TOP2B: variants seen among roughly 807,000 people sequenced by gnomAD.
TOP2B encodes DNA topoisomerase II beta.
In TOP2B, 51 loss-of-function variants were observed where a neutral mutation model predicts 193.5. The observed-to-expected ratio is 0.26, with a 90% confidence interval of 0.21 to 0.33. TOP2B has a LOEUF of 0.33. TOP2B is among the 10% of genes least tolerant of loss of function. The probability of loss-of-function intolerance (pLI) is 1.00; values close to 1 mark genes in which losing one functional copy is unlikely to be tolerated. For missense variants in TOP2B, 1,378 were observed against 1,909.3 expected (o/e 0.72, Z 5.19); for synonymous variants, 634 against 635.7 (o/e 1.00, Z 0.04).
At chr3:25,617,512 T>C (rs1308167833) in intron 25 of TOP2B, among the ~76,000 whole-genome samples, 1 of 152,182 alleles carries the variant, frequency 6.6e-6, no homozygotes, top group East Asian at 1.9e-4. Context: ...AAAAGCAATA[T>C]TTCAATGTAG....
intron 25 of TOP2B, among the ~76,000 whole-genome samples, chr3:25,617,622 G>T (rs138047614): frequency 2.6e-5 from 4 of 152,228 alleles, no homozygotes; most frequent in African/African-American, 7.2e-5. Context: ...TTTTAAAGAT[G>T]TTAATGTTAT....
rs1575592458 is a variant in TOP2B at position 25,663,778 on chromosome 3, C to A, written c.69+451G>T. On this transcript the variant is annotated intron_variant, in intron 1 of 35. Coordinates refer to ENST00000264331, the MANE Select transcript of TOP2B (RefSeq NM_001330700.2). ...AATGCATTCTTCTTTGAGATTAAAG[C>A]CCCAGAAAGAGCTGCATTTAGAATA... 2.6e-5 allele frequency among the ~76,000 whole-genome samples: 4 copies of A among 152,196 alleles called. No individual in the cohort carries two copies. In the Middle Eastern group the frequency reaches 0.01, roughly 388 times the overall value.
intron 1 of TOP2B, among the ~76,000 whole-genome samples, chr3:25,662,282 C>T (rs142493451): frequency 6.6e-6 from 1 of 152,290 alleles, no homozygotes; most frequent in African/African-American, 2.4e-5. Context: ...ATCAGCCTGA[C>T]GTCAAAGCCC....
At chr3:25,650,035 T>G (rs1409138876) in intron 1 of TOP2B, among the ~76,000 whole-genome samples, 1 of 151,986 alleles carries the variant, frequency 6.6e-6, no homozygotes, top group African/African-American at 2.4e-5. Context: ...ACTGAAAAAA[T>G]TAGGTGCCTT....
At position 25,632,770 on chromosome 3, in the gene TOP2B, C is replaced by A. The variant is rs369506905; in HGVS notation, c.1051G>T (p.Val351Leu). 2.5e-5 allele frequency: 41 copies of A among 1,612,988 alleles called. No homozygotes were observed. Among genetic ancestry groups the A allele is most frequent in the Non-Finnish European group, 2.7e-5 (32 of 1,179,384 alleles). ...ATCAGTTTACCAACAACTTGATCTA[C>A]CACATAATCCACGTGCCGTCCACCC... ...TKGGRHVDYV[V>L]DQVVGKLIEV... The change falls in exon 9 of 36, where the codon GTA becomes TTA. Residue 351 changes from valine (V) to leucine (L), a missense_variant. Transcript: ENST00000264331.
Position 25,598,181 on chromosome 3 carries a change from C to CAATAA in TOP2B, c.*121_*125dup. The CAATAA allele has an allele frequency of 9.7e-7, 1 of 1,027,054 alleles. No individual in the cohort carries two copies. The highest frequency in any genetic ancestry group is 1.4e-6 in the Non-Finnish European group (1 of 716,864). The allele number at this position is 1,027,054 out of a possible 1,614,324, so 63.6% of individuals were successfully genotyped here. On this transcript the variant is annotated 3_prime_UTR_variant, in exon 36 of 36. Coordinates refer to ENST00000264331, the MANE Select transcript of TOP2B (RefSeq NM_001330700.2). ...GAACAAAATGTTAAAAGGCCTACCA[C>CAATAA]AATAATAAAAAACCGTCAATTACAT...
intron 32 of TOP2B, 68 bp from the exon 33 acceptor site, chr3:25,604,938 TTTAAC>T (rs1702198916): frequency 1.8e-5 from 20 of 1,134,788 alleles, no homozygotes; most frequent in Middle Eastern, 5.1e-4. Context: ...CTTTGACTCT[TTTAAC>T]TGATGACTTC....
chr3:25,631,373 T>C (rs1702951322), intron 10 of TOP2B, among the ~76,000 whole-genome samples: 1 of 152,096 alleles, frequency 6.6e-6, no homozygotes, highest in African/African-American at 2.4e-5. Context: ...AAAGGAACAT[T>C]AGGATAACCT....
intron 1 of TOP2B, among the ~76,000 whole-genome samples, chr3:25,663,787 G>C (rs1703991207): frequency 6.6e-6 from 1 of 152,088 alleles, no homozygotes; most frequent in African/African-American, 2.4e-5. Context: ...GCCCCAGAAA[G>C]AGCTGCATTT....
chr3:25,634,675 G>A (rs1703051223), intron 7 of TOP2B, among the ~76,000 whole-genome samples: 2 of 149,238 alleles, frequency 1.3e-5, no homozygotes, highest in African/African-American at 4.9e-5. Context: ...TCACAGGGAA[G>A]ACCAGTGAGA....
chr3:25,617,273 G>C (rs946346238), intron 25 of TOP2B, among the ~76,000 whole-genome samples: 1 of 151,892 alleles, frequency 6.6e-6, no homozygotes, highest in Non-Finnish European at 1.5e-5. Flanking sequence ...AAGGCAAAAG[G>C]CAAGTGTTGT....
Position 25,643,591 on chromosome 3 carries a change from A to G in TOP2B, c.331+103T>C, listed in dbSNP as rs540427174. ...ATATTCAGAAGGATAAAAGCCAGAG[A>G]TACACCTTTCAAATTTATACTGGTT... On this transcript the variant is annotated intron_variant, in intron 3 of 35. Transcript: ENST00000264331. The G allele has an allele frequency of 4.9e-5, 39 of 789,284 alleles. No individual in the cohort carries two copies. In the East Asian group the frequency reaches 9.4e-4, roughly 19 times the overall value. 48.9% of individuals were successfully genotyped at this position (789,284 alleles called of 1,614,324 possible).
chr3:25,619,738 G>GAA (rs375797612), intron 23 of TOP2B, 124 bp downstream of exon 23: 3,700 of 520,012 alleles, frequency 7.1e-3, no homozygotes, highest in South Asian at 0.012. Flanking sequence ...TGCAGGATGG[G>GAA]AAAAAAAAAA....
chr3:25,658,057 T>G (rs1703800320), intron 1 of TOP2B, among the ~76,000 whole-genome samples: 1 of 60,872 alleles, frequency 1.6e-5, no homozygotes, highest in Non-Finnish European at 3.0e-5. Flanking sequence ...CGAGACTCCG[T>G]CTCAAAAAAA....
rs570908064 is a variant in TOP2B at position 25,620,322 on chromosome 3, A to C, written c.2863-260T>G. On this transcript the variant is annotated intron_variant, in intron 22 of 35. Coordinates refer to ENST00000264331, the MANE Select transcript of TOP2B (RefSeq NM_001330700.2). ...GGCTGAGTATGAAAAGGATGACATC[A>C]ACTGGAACTGTCAAGAGGTGACATG... 2.6e-5 allele frequency among the ~76,000 whole-genome samples: 4 copies of C among 152,238 alleles called. No individual in the cohort carries two copies. The South Asian group carries it at 8.3e-4, about 32-fold the overall frequency.
intron 27 of TOP2B, among the ~76,000 whole-genome samples, chr3:25,613,172 A>C (rs533321871): frequency 2.0e-5 from 3 of 152,346 alleles, no homozygotes; most frequent in African/African-American, 7.2e-5. Context: ...TGAGAAGTTA[A>C]AAGTGCCAAT....
At chr3:25,610,120 G>C (rs985859320) in intron 28 of TOP2B, among the ~76,000 whole-genome samples, 2 of 151,554 alleles carry the variant, frequency 1.3e-5, no homozygotes, top group African/African-American at 2.4e-5. Context: ...AGAATTGCTT[G>C]AATCTGAGAG....
At chr3:25,654,761 C>A (rs943384786) in intron 1 of TOP2B, among the ~76,000 whole-genome samples, 5 of 152,082 alleles carry the variant, frequency 3.3e-5, no homozygotes, top group African/African-American at 7.2e-5. Flanking sequence ...CAGAAATAAA[C>A]CCTTACATAA....
Position 25,664,644 on chromosome 3 carries a change from G to T in TOP2B, c.-347C>A, listed in dbSNP as rs1162785534. On this transcript the variant is annotated 5_prime_UTR_variant, in exon 1 of 36. Coordinates refer to ENST00000264331, the MANE Select transcript of TOP2B (RefSeq NM_001330700.2). Reference sequence around the variant, plus strand: ...AGGCCGGGCTGAAGCCCGGGCGTGCGAGCCGCGAGGGCGGCCGGGGAGCCC... The same window carrying T: ...AGGCCGGGCTGAAGCCCGGGCGTGCTAGCCGCGAGGGCGGCCGGGGAGCCC... 3 of 989,288 alleles carry T rather than the reference G, an allele frequency of 3.0e-6. No homozygotes were observed. 61.3% of individuals were successfully genotyped at this position (989,288 alleles called of 1,614,324 possible).
Sources: gnomAD v4.1 joint callset for allele counts (sites outside exome capture counted in the v4.1 genomes callset) on GRCh38, gnomAD v4.1.1 for gene constraint, MANE v1.5 for transcripts, NCBI Gene and HGNC (gene_info 2026-07-23, HGNC 2026-07-21) for gene names.